Variants in ITPR2 observed in about 807,000 individuals in gnomAD.
ITPR2 encodes inositol 1,4,5-trisphosphate-gated calcium channel ITPR2.
A neutral mutation model predicts 317.1 loss-of-function variants in ITPR2; 207 were observed. That is an observed-to-expected ratio of 0.65 (90% CI 0.58 to 0.73). The LOEUF (loss-of-function observed/expected upper bound fraction) is 0.73, where lower values mean the gene tolerates loss of function less well. Ranked by LOEUF, ITPR2 falls within the 30% of genes least tolerant of loss-of-function variation. The pLI is 0.00. For synonymous variants in ITPR2, 1,156 were observed against 1,149.1 expected, an observed-to-expected ratio of 1.01 and a Z score of -0.12; for missense variants, 2,613 against 3,284.0, an observed-to-expected ratio of 0.80 and a Z score of 4.99.
chr12:26,817,516 T>C lies in ITPR2; in HGVS notation c.92+15174A>G, dbSNP rs74072375. 9.2e-3 allele frequency among the ~76,000 whole-genome samples: 1,396 copies of C among 152,324 alleles called. 17 individuals carry two copies. The highest frequency in any genetic ancestry group is 0.032 in the African/African-American group (1,327 of 41,568). On this transcript the variant is annotated intron_variant, in intron 1 of 56. Coordinates refer to ENST00000381340, the MANE Select transcript of ITPR2 (RefSeq NM_002223.4). ...CCCACTACAGCTGTTTGGTGCAGGCTGCTGTGTATCAATTCCTCCTCTGCC... is the reference window on the plus strand; with the variant it reads ...CCCACTACAGCTGTTTGGTGCAGGCCGCTGTGTATCAATTCCTCCTCTGCC...
chr12:26,596,786 CATT>C, intron 31 of ITPR2, 94 bp downstream of exon 31: 1 of 964,996 alleles, frequency 1.0e-6, no homozygotes, highest in Admixed American at 2.7e-5. Flanking sequence ...TATATGATCT[CATT>C]ATAAATATTA....
intron 5 of ITPR2, chr12:26,721,205 GTTT>G (rs11407207): frequency 2.0e-5 from 8 of 404,108 alleles, no homozygotes; most frequent in Non-Finnish European, 9.0e-6. Context: ...AAAAAGTAGG[GTTT>G]TTTTTTTAAG....
chr12:26,561,845 G>C lies in ITPR2; in HGVS notation c.4738C>G (p.Leu1580Val), dbSNP rs1324818721. ...AAGCGTGGCCCAGAGCGAGCTGATA[G>C]TCTCCAACCCATTGCTGCTCTCTGC... ...MVQRAAMGWRLSARSGPRFKE... is the reference protein window; with the variant it reads ...MVQRAAMGWRVSARSGPRFKE... Residue 1580 changes from leucine to valine, a missense_variant, in exon 35 of 57, where the codon CTA becomes GTA. This residue lies in a region of ITPR2 where 926 missense variants were observed against 1,072.8 expected (regional missense o/e 0.86). Coordinates refer to ENST00000381340, the MANE Select transcript of ITPR2 (RefSeq NM_002223.4). 2 of 1,598,696 alleles carry C rather than the reference G, an allele frequency of 1.3e-6. No individual in the cohort carries two copies. Among genetic ancestry groups the C allele is most frequent in the South Asian group, 2.3e-5 (2 of 87,260 alleles).
rs765877729 is a variant in ITPR2, at chr12:26,428,091, G to A, written c.6770-3C>T. On this transcript the variant is annotated splice_region_variant and splice_polypyrimidine_tract_variant and intron_variant, in intron 48 of 56. Transcript: ENST00000381340. ...CGAGAACAATGGAGAAAGTGTACCT[G>A]TAAAATGTGGAAGAAATTTATTGCT... is the stretch of plus-strand genomic sequence containing the variant. The A allele has an allele frequency of 8.9e-6, 14 of 1,576,296 alleles. No individual in the cohort carries two copies. Among genetic ancestry groups the A allele is most frequent in the Non-Finnish European group, 1.1e-5 (13 of 1,165,844 alleles).
chr12:26,564,065 A>G (rs1181002163), intron 34 of ITPR2, among the ~76,000 whole-genome samples: 1 of 152,222 alleles, frequency 6.6e-6, no homozygotes, highest in African/African-American at 2.4e-5. Context: ...AGAAAGAAGA[A>G]TGACATCTTA....
intron 15 of ITPR2, 38 bp downstream of exon 15, chr12:26,663,647 A>T: frequency 6.4e-7 from 1 of 1,553,302 alleles, no homozygotes; most frequent in South Asian, 1.2e-5. Flanking sequence ...CCCATACTTT[A>T]CATATGAAAC....
At chr12:26,442,380 G>A (rs1456867772) in intron 46 of ITPR2, among the ~76,000 whole-genome samples, 4 of 152,090 alleles carry the variant, frequency 2.6e-5, no homozygotes, top group Admixed American at 1.3e-4. Flanking sequence ...TAAGTGCTCA[G>A]TAAACATGTA....
chr12:26,503,542 A>G (rs61914034), intron 37 of ITPR2, among the ~76,000 whole-genome samples: 73 of 152,232 alleles, frequency 4.8e-4, no homozygotes, highest in Non-Finnish European at 8.7e-4. Context: ...GGCATTGGCA[A>G]TGACAATGCA....
intron 52 of ITPR2, 24 bp from the exon 53 acceptor site, chr12:26,400,282 T>C (rs1286799766): frequency 1.5e-6 from 2 of 1,377,812 alleles, no homozygotes; most frequent in Admixed American, 2.3e-5. Flanking sequence ...TACAAATATA[T>C]GATATAAAAT....
chr12:26,348,238 C>G (rs1001899481), intron 55 of ITPR2, among the ~76,000 whole-genome samples: 3 of 152,240 alleles, frequency 2.0e-5, no homozygotes, highest in Non-Finnish European at 4.4e-5. Flanking sequence ...TGCCTACTTA[C>G]TGGAAGATCC....
intron 26 of ITPR2, among the ~76,000 whole-genome samples, chr12:26,620,575 A>AT (rs1240021296): frequency 2.6e-5 from 4 of 152,234 alleles, no homozygotes; most frequent in Non-Finnish European, 5.9e-5. Flanking sequence ...GTACTTAGTG[A>AT]AATGTGAAAA....
intron 21 of ITPR2, among the ~76,000 whole-genome samples, chr12:26,643,299 G>C (rs1447338590): frequency 1.3e-5 from 2 of 152,202 alleles, no homozygotes. Context: ...AATAGTCTAA[G>C]ACAGAAAATT....
intron 42 of ITPR2, 46 bp downstream of exon 42, chr12:26,483,652 C>G (rs1017737659): frequency 1.4e-6 from 2 of 1,413,050 alleles, no homozygotes; most frequent in African/African-American, 2.8e-5. Context: ...TGGCTCCTTC[C>G]CCAAATTAAT....
At chr12:26,616,262 C>G (rs1234258858) in intron 26 of ITPR2, among the ~76,000 whole-genome samples, 1 of 151,996 alleles carries the variant, frequency 6.6e-6, no homozygotes. Flanking sequence ...CTCAGCCTCC[C>G]GAGTAGCTGG....
intron 21 of ITPR2, among the ~76,000 whole-genome samples, chr12:26,650,112 T>A (rs1356265957): frequency 6.6e-6 from 1 of 152,192 alleles, no homozygotes; most frequent in East Asian, 1.9e-4. Flanking sequence ...GTCAGTGGAA[T>A]TCACTAAAAA....
chr12:26,513,748 TCACACACACACACACA>T (rs3056894), intron 37 of ITPR2, among the ~76,000 whole-genome samples: 1 of 149,314 alleles, frequency 6.7e-6, no homozygotes, highest in Non-Finnish European at 1.5e-5. Flanking sequence ...TTGCCAATTA[TCACACACACACACACA>T]CACACACACA....
chr12:26,646,066 A>T (rs1345524076), intron 21 of ITPR2, among the ~76,000 whole-genome samples: 1 of 150,784 alleles, frequency 6.6e-6, no homozygotes, highest in Non-Finnish European at 1.5e-5. Flanking sequence ...CTTACAAAGA[A>T]CAATCATAGC....
At chr12:26,558,457 A>T (rs1944722595) in intron 35 of ITPR2, among the ~76,000 whole-genome samples, 1 of 152,184 alleles carries the variant, frequency 6.6e-6, no homozygotes, top group Admixed American at 6.5e-5. Flanking sequence ...ATTCCATATA[A>T]ATGCTAGTAA....
chr12:26,657,762 C>T lies in ITPR2; in HGVS notation c.2137G>A (p.Ala713Thr). 6.2e-7 allele frequency: 1 copy of T among 1,614,148 alleles called. No homozygotes were observed. Among genetic ancestry groups the T allele is most frequent in the Non-Finnish European group, 8.5e-7 (1 of 1,180,020 alleles). Residue 713 changes from alanine to threonine, a missense_variant, in exon 18 of 57, where the codon GCT becomes ACT. This residue lies in a region of ITPR2 where 817 missense variants were observed against 897.6 expected (regional missense o/e 0.91). Coordinates refer to ENST00000381340, the MANE Select transcript of ITPR2 (RefSeq NM_002223.4). ...TTGGTGCCTTCTTTTGCCTCTTGAG[C>T]AAGGTGCCTGATAGCTTTGCCATGA... ...EPHGKAIRHLAQEAKEGTKAD... is the reference protein window; with the variant it reads ...EPHGKAIRHLTQEAKEGTKAD...
Sources: allele counts gnomAD v4.1 joint callset (sites outside exome capture counted in the v4.1 genomes callset), GRCh38; gene constraint gnomAD v4.1.1; regional missense constraint gnomAD v4.1.1; transcripts MANE v1.5; gene names NCBI Gene and HGNC (gene_info 2026-07-23, HGNC 2026-07-21).